Variants in SUSD1 observed in about 807,000 individuals in gnomAD.
SUSD1 encodes the protein sushi domain-containing protein 1.
A neutral mutation model predicts 86.9 loss-of-function variants in SUSD1; 65 were observed. The ratio of observed to expected loss-of-function variants is 0.75; its 90% CI spans 0.61 to 0.92. The LOEUF is 0.92. Among genes scored for constraint, SUSD1 ranks in the 40% least tolerant of loss-of-function variants. The probability of loss-of-function intolerance (pLI) is 0.00; values close to 1 mark genes in which losing one functional copy is unlikely to be tolerated. For synonymous variants in SUSD1, 346 were observed against 350.0 expected, an observed-to-expected ratio of 0.99 and a Z score of 0.13; for missense variants, 850 against 929.7, an observed-to-expected ratio of 0.91 and a Z score of 1.11.
chr9:112,146,405 T>A (rs1306413678), intron 3 of SUSD1, among the ~76,000 whole-genome samples: 1 of 152,144 alleles, frequency 6.6e-6, no homozygotes, highest in Non-Finnish European at 1.5e-5. Flanking sequence ...GTATGTAAAC[T>A]ATAGCTCAAT....
intron 1 of SUSD1, among the ~76,000 whole-genome samples, chr9:112,163,918 T>C (rs977955666): frequency 1.3e-5 from 2 of 151,882 alleles, no homozygotes; most frequent in African/African-American, 4.8e-5. Flanking sequence ...AGAGGATCAC[T>C]TGAACCCGGA....
rs373501071 is a variant in SUSD1 at position 112,164,732 on chromosome 9, C to T, written c.104-7119G>A. Among the ~76,000 whole-genome samples, 32 of 152,164 alleles carry T rather than the reference C, an allele frequency of 2.1e-4. 2 individuals are homozygous for T. In the East Asian group the frequency reaches 3.1e-3, roughly 15 times the overall value. ...GGCTGAGGCAGGCGGATCATGAGGT[C>T]AAGAGATTGAGATCATCCTGGCTAA... On this transcript the variant is annotated intron_variant, in intron 1 of 16. Coordinates refer to ENST00000374270, the MANE Select transcript of SUSD1 (RefSeq NM_022486.5).
At chr9:112,061,078 G>A (rs372684226) in intron 13 of SUSD1, among the ~76,000 whole-genome samples, 41 of 152,160 alleles carry the variant, frequency 2.7e-4, no homozygotes, top group African/African-American at 9.7e-4. Flanking sequence ...AATCTGTATC[G>A]CTGGTAAAGC....
chr9:112,051,451 G>C (rs367734914), intron 15 of SUSD1, among the ~76,000 whole-genome samples: 2 of 122,188 alleles, frequency 1.6e-5, no homozygotes, highest in East Asian at 5.3e-4. Context: ...TTGTTGTTGA[G>C]ATGGAGTTTT....
intron 12 of SUSD1, among the ~76,000 whole-genome samples, chr9:112,069,099 T>C (rs1020355076): frequency 2.6e-5 from 4 of 151,904 alleles, no homozygotes. Context: ...GGAGTGAACG[T>C]GGCCACCAGG....
intron 1 of SUSD1, chr9:112,173,653 C>T: frequency 4.3e-6 from 2 of 461,204 alleles, no homozygotes; most frequent in South Asian, 3.3e-5. Flanking sequence ...AGCCCCTTGG[C>T]AATGCGGGCA....
chr9:112,077,408 TG>T (rs1448478801), intron 12 of SUSD1, among the ~76,000 whole-genome samples: 2 of 150,422 alleles, frequency 1.3e-5, no homozygotes, highest in Non-Finnish European at 1.5e-5. Flanking sequence ...GGGTCACAGA[TG>T]TGAAGAGGGA....
At position 112,175,060 on chromosome 9, in the gene SUSD1, C is replaced by G. The variant is rs1834215313; in HGVS notation, c.103+73G>C. ...CCCGGCCCAGGGGCGGGGAAGCGTC[C>G]GTGCGCCCAGAGTCCTCGAGGCCCA... On this transcript the variant is annotated intron_variant, in intron 1 of 16. Transcript: ENST00000374270. The surrounding 1 kb of genome is among the most constrained non-coding windows in gnomAD (Gnocchi z 4.7). 1 of 982,420 alleles carries G rather than the reference C, an allele frequency of 1.0e-6. No individual in the cohort carries two copies. Among genetic ancestry groups the G allele is most frequent in the Non-Finnish European group, 1.2e-6 (1 of 825,330 alleles). 60.9% of individuals were successfully genotyped at this position (982,420 alleles called of 1,614,324 possible).
intron 15 of SUSD1, among the ~76,000 whole-genome samples, chr9:112,045,862 A>G (rs1024151594): frequency 6.6e-6 from 1 of 152,230 alleles, no homozygotes; most frequent in Non-Finnish European, 1.5e-5. Flanking sequence ...ATGTTGGAAG[A>G]CTTGAACCTA....
At chr9:112,072,220 A>G (rs2762500) in intron 12 of SUSD1, among the ~76,000 whole-genome samples, 39,603 of 138,484 alleles carry the variant, frequency 0.29, 5,858 homozygotes, top group African/African-American at 0.42. Flanking sequence ...GCACAATCTC[A>G]GCTCACTGCA....
chr9:112,043,542 T>C (rs1827832574), intron 15 of SUSD1, among the ~76,000 whole-genome samples: 1 of 152,012 alleles, frequency 6.6e-6, no homozygotes, highest in Admixed American at 6.5e-5. Flanking sequence ...ATTTGAGTAA[T>C]AATAAAACTC....
intron 10 of SUSD1, among the ~76,000 whole-genome samples, chr9:112,096,626 A>G (rs2131601724): frequency 6.6e-6 from 1 of 152,022 alleles, no homozygotes; most frequent in African/African-American, 2.4e-5. Context: ...TGCAGCCTCA[A>G]CCTCCTAGAC....
At chr9:112,126,373 C>A (rs1831773204) in intron 5 of SUSD1, among the ~76,000 whole-genome samples, 1 of 152,158 alleles carries the variant, frequency 6.6e-6, no homozygotes, top group East Asian at 1.9e-4. Flanking sequence ...CAAAAGATAA[C>A]TAGATTGGCT....
intron 14 of SUSD1, among the ~76,000 whole-genome samples, chr9:112,057,996 C>T (rs371573930): frequency 6.6e-6 from 1 of 152,190 alleles, no homozygotes; most frequent in African/African-American, 2.4e-5. Context: ...AAAGTGGGAC[C>T]TATGCCATAG....
At chr9:112,147,091 C>T (rs1832836770) in intron 3 of SUSD1, among the ~76,000 whole-genome samples, 1 of 152,220 alleles carries the variant, frequency 6.6e-6, no homozygotes, top group Admixed American at 6.5e-5. Flanking sequence ...TCCTTCCTCA[C>T]AGCCAAGATA....
chr9:112,149,496 G>C (rs10981282), intron 2 of SUSD1, 97 bp from the exon 3 acceptor site: 2 of 1,372,382 alleles, frequency 1.5e-6, no homozygotes. Context: ...GGGAACCAAC[G>C]TTCTGTGACC....
At chr9:112,062,895 T>G in intron 13 of SUSD1, 42 bp downstream of exon 13, 2 of 1,331,658 alleles carry the variant, frequency 1.5e-6, no homozygotes, top group Non-Finnish European at 2.1e-6. Context: ...AAACACTCCA[T>G]GGGGATCACT....
intron 14 of SUSD1, among the ~76,000 whole-genome samples, chr9:112,057,612 A>G (rs890170937): frequency 2.6e-5 from 4 of 152,214 alleles, no homozygotes; most frequent in Non-Finnish European, 4.4e-5. Context: ...ACAAGTAACT[A>G]TTGGTTTCAT....
intron 12 of SUSD1, among the ~76,000 whole-genome samples, chr9:112,069,027 A>C (rs1829125435): frequency 6.6e-6 from 1 of 152,108 alleles, no homozygotes; most frequent in African/African-American, 2.4e-5. Flanking sequence ...GGCAGTTAGA[A>C]ACATAGGTCT....
Sources: gnomAD v4.1 joint callset for allele counts (sites outside exome capture counted in the v4.1 genomes callset) on GRCh38, gnomAD v4.1.1 for gene constraint, Gnocchi (gnomAD v3.1) non-coding constraint, MANE v1.5 for transcripts, NCBI Gene and HGNC (gene_info 2026-07-23, HGNC 2026-07-21) for gene names.